The following POGK variants were observed in gnomAD, a reference collection of about 807,000 sequenced individuals.
POGK encodes pogo transposable element with KRAB domain.
POGK carries 16 observed loss-of-function variants against 54.4 expected under a neutral mutation model. The observed-to-expected ratio is 0.29, with a 90% CI of 0.20 to 0.45. The LOEUF (loss-of-function observed/expected upper bound fraction) is 0.45, where lower values mean the gene tolerates loss of function less well. Ranked by LOEUF, POGK falls within the 20% of genes least tolerant of loss-of-function variation. POGK has a pLI of 1.00. For missense variants in POGK, 515 were observed against 795.6 expected (o/e 0.65, Z 4.24); for synonymous variants, 271 against 302.2 (o/e 0.90, Z 1.07).
At chr1:166,840,671 C>G (rs941653205) in intron 1 of POGK, among the ~76,000 whole-genome samples, 4 of 152,264 alleles carry the variant, frequency 2.6e-5, no homozygotes, top group Non-Finnish European at 5.9e-5. Flanking sequence ...TGGCCGGCCT[C>G]TGTTCTGCCG....
chr1:166,845,357 C>CAA (rs11464833), intron 2 of POGK, among the ~76,000 whole-genome samples: 1,418 of 100,854 alleles, frequency 0.014, 30 homozygotes, highest in East Asian at 0.059. Context: ...GACTCCATCT[C>CAA]AAAAAAAAAA....
Position 166,848,370 on chromosome 1 carries a change from C to T in POGK, c.359-568C>T, listed in dbSNP as rs548933269. 1.3e-4 allele frequency among the ~76,000 whole-genome samples: 20 copies of T among 152,302 alleles called. No individual in the cohort carries two copies. In the South Asian group the frequency reaches 3.9e-3, roughly 30 times the overall value. The stretch of plus-strand genomic sequence containing the variant: ...CCCAAATCATATTCAACTTCTGTGA[C>T]CACCTTCTAAATATAAAGTGAAACC... On this transcript the variant is annotated intron_variant, in intron 4 of 5. Transcript: ENST00000367876.
Position 166,849,953 on chromosome 1 carries a change from A to C in POGK, c.1374A>C (p.Thr458=), listed in dbSNP as rs1411903767. 1 of 1,614,256 alleles carries C rather than the reference A, an allele frequency of 6.2e-7. No individual in the cohort carries two copies. The highest frequency in any genetic ancestry group is 8.5e-7 in the Non-Finnish European group (1 of 1,180,042). ...TGGAAGTGGTGTGGAGACGGAGGACAGGAGCAGTGCCCAAGCAGCGAGGGA... is the reference window on the plus strand; with the variant it reads ...TGGAAGTGGTGTGGAGACGGAGGACCGGAGCAGTGCCCAAGCAGCGAGGGA... ...DWLEVVWRRR[T]GAVPKQRGML... The change falls in exon 5 of 6, where the codon ACA becomes ACC. Residue 458 remains threonine, a synonymous_variant. Transcript: ENST00000367876.
chr1:166,843,681 G>A (rs1254044251), intron 2 of POGK, among the ~76,000 whole-genome samples: 2 of 152,120 alleles, frequency 1.3e-5, no homozygotes, highest in Non-Finnish European at 2.9e-5. Context: ...AGATCCCTGC[G>A]TCTTTGCTGG....
chr1:166,845,956 G>A lies in POGK; in HGVS notation c.133-656G>A, dbSNP rs544722452. Among the ~76,000 whole-genome samples, 13 of 152,286 alleles carry A rather than the reference G, an allele frequency of 8.5e-5. No homozygotes were observed. In the South Asian group the frequency reaches 2.7e-3, roughly 32 times the overall value. On this transcript the variant is annotated intron_variant, in intron 2 of 5. Coordinates refer to ENST00000367876, the MANE Select transcript of POGK (RefSeq NM_017542.5). ...GGCATCTCATTACATATATTAAGCT[G>A]TAATTAGCCCTTCTTTCTTCCTCTT...
In POGK at chr1:166,849,086, C is replaced by G; in HGVS notation, c.507C>G (p.Pro169=). Reference sequence around the variant, plus strand: ...TGCCCGAGTGGAGTGAGGGGTACCCCTTCTACATGGCCATGGGCTTCCCAG... The same window carrying G: ...TGCCCGAGTGGAGTGAGGGGTACCCGTTCTACATGGCCATGGGCTTCCCAG... ...TELPEWSEGY[P]FYMAMGFPGY... is the part of the protein sequence containing the mutation. The change falls in exon 5 of 6, where the codon CCC becomes CCG. Residue 169 remains proline (P), a synonymous_variant. Coordinates refer to ENST00000367876, the MANE Select transcript of POGK (RefSeq NM_017542.5). The G allele has an allele frequency of 6.2e-7, 1 of 1,614,126 alleles. No individual in the cohort carries two copies.
Position 166,852,946 on chromosome 1 carries a change from G to A in POGK, c.*376G>A, listed in dbSNP as rs10918585. On this transcript the variant is annotated 3_prime_UTR_variant, in exon 6 of 6. Coordinates refer to ENST00000367876, the MANE Select transcript of POGK (RefSeq NM_017542.5). ...AAAAGACAATTTATTCAACACCAAC[G>A]AGGGACTCATCATATGGGCACAACT... The A allele has an allele frequency of 0.67, 101,884 of 152,186 alleles. 35,616 individuals carry two copies. Among genetic ancestry groups the A allele is most frequent in the East Asian group, 0.88 (4,556 of 5,184 alleles). 9.4% of individuals were successfully genotyped at this position (152,186 alleles called of 1,614,324 possible).
chr1:166,848,394 C>T (rs938872728), intron 4 of POGK, among the ~76,000 whole-genome samples: 1 of 152,172 alleles, frequency 6.6e-6, no homozygotes, highest in East Asian at 1.9e-4. Context: ...TAAAGTGAAA[C>T]CTGGTTGCAC....
At chr1:166,844,320 G>A (rs1272615789) in intron 2 of POGK, among the ~76,000 whole-genome samples, 1 of 152,104 alleles carries the variant, frequency 6.6e-6, no homozygotes, top group Non-Finnish European at 1.5e-5. Context: ...TATCAGCAAA[G>A]GGAAAGGGAC....
At chr1:166,848,192 T>C (rs963348314) in intron 4 of POGK, among the ~76,000 whole-genome samples, 1 of 152,224 alleles carries the variant, frequency 6.6e-6, no homozygotes, top group Non-Finnish European at 1.5e-5. Flanking sequence ...GACATGTTTT[T>C]CTCCCATTGC....
chr1:166,848,430 TGCCTTATAA>T (rs1657926361), intron 4 of POGK, among the ~76,000 whole-genome samples: 1 of 152,270 alleles, frequency 6.6e-6, no homozygotes, highest in African/African-American at 2.4e-5. Flanking sequence ...ACTAATTTTC[TGCCTTATAA>T]GCTTAACTTT....
Position 166,849,565 on chromosome 1 carries a change from A to C in POGK, c.986A>C (p.Gln329Pro). ...CTGAGGCATAAAGTGCCCGTGCCCC[A>C]GCACCTGCCGGAAGACCTGACTGAG... ...LSLRHKVPVP[Q>P]HLPEDLTEKL... The change falls in exon 5 of 6, where the codon CAG becomes CCG. Residue 329 changes from glutamine to proline, a missense_variant. Transcript: ENST00000367876. The C allele has an allele frequency of 6.2e-7, 1 of 1,614,294 alleles. No individual in the cohort carries two copies. Among genetic ancestry groups the C allele is most frequent in the South Asian group, 1.1e-5 (1 of 91,090 alleles).
At chr1:166,846,174 C>T (rs528025015) in intron 2 of POGK, among the ~76,000 whole-genome samples, 6 of 152,100 alleles carry the variant, frequency 3.9e-5, no homozygotes, top group African/African-American at 1.4e-4. Flanking sequence ...CGCCCGGGGC[C>T]GAGGGTCTTT....
Position 166,849,321 on chromosome 1 carries a change from C to T in POGK, c.742C>T (p.Arg248Trp). ...ACAGCTTCAAAACGCCCACGCCATG[C>T]GGCGGGCATTCCGAGGCCCCAAGAA... ...KPQLQNAHAM[R>W]RAFRGPKNGR... Residue 248 changes from arginine to tryptophan, a missense_variant, in exon 5 of 6, where the codon CGG becomes TGG. This residue lies in a region of POGK where 461 missense variants were observed against 743.5 expected (regional missense o/e 0.62). Coordinates refer to ENST00000367876, the MANE Select transcript of POGK (RefSeq NM_017542.5). 2.5e-6 allele frequency: 4 copies of T among 1,614,144 alleles called. No individual in the cohort carries two copies. Among genetic ancestry groups the T allele is most frequent in the South Asian group, 1.1e-5 (1 of 91,088 alleles).
intron 1 of POGK, chr1:166,840,352 T>C (rs1657439747): frequency 6.6e-6 from 1 of 152,344 alleles, no homozygotes; most frequent in African/African-American, 2.4e-5. Flanking sequence ...TCACTATGTT[T>C]CACTGACTCC....
At chr1:166,841,863 G>A (rs1657528492) in intron 2 of POGK, among the ~76,000 whole-genome samples, 1 of 152,082 alleles carries the variant, frequency 6.6e-6, no homozygotes, top group Non-Finnish European at 1.5e-5. Context: ...CCTACCAGAG[G>A]AGAGAACTGG....
chr1:166,849,537 T>G lies in POGK; in HGVS notation c.958T>G (p.Ser320Ala). The part of the protein sequence containing the change: ...CRRMMRRYDL[S>A]LRHKVPVPQH... ...AAGAATGATGAGAAGGTATGACCTG[T>G]CTCTGAGGCATAAAGTGCCCGTGCC... is the stretch of plus-strand genomic sequence containing the variant. Residue 320 changes from serine (S) to alanine (A), a missense_variant, in exon 5 of 6, where the codon TCT becomes GCT. Around this residue, in one of 2 missense-constraint regions of POGK, gnomAD observed 461 missense variants for 743.5 expected, o/e 0.62. Transcript: ENST00000367876. 1 of 1,614,244 alleles carries G rather than the reference T, an allele frequency of 6.2e-7. No individual in the cohort carries two copies. The highest frequency in any genetic ancestry group is 8.5e-7 in the Non-Finnish European group (1 of 1,180,044).
chr1:166,840,925 GGT>G, intron 1 of POGK, 28 bp from the exon 2 acceptor site: 3 of 1,612,786 alleles, frequency 1.9e-6, no homozygotes, highest in Non-Finnish European at 2.5e-6. Flanking sequence ...AGTGACACCT[GGT>G]TTTTCTGAAC....
intron 2 of POGK, among the ~76,000 whole-genome samples, chr1:166,844,284 A>G (rs1557898665): frequency 6.6e-6 from 1 of 152,152 alleles, no homozygotes; most frequent in African/African-American, 2.4e-5. Flanking sequence ...CTGAAATGAC[A>G]GGCATAGACA....
Sources: gnomAD v4.1 joint callset for allele counts (sites outside exome capture counted in the v4.1 genomes callset) on GRCh38, gnomAD v4.1.1 for gene constraint, gnomAD v4.1.1 regional missense constraint, MANE v1.5 for transcripts, NCBI Gene and HGNC (gene_info 2026-07-23, HGNC 2026-07-21) for gene names.